The following XK variants were observed in gnomAD, a reference collection of about 807,000 sequenced individuals.
XK encodes the protein X-linked Kx blood group antigen, Kell and VPS13A binding protein, also known as endoplasmic reticulum membrane adapter protein XK.
XK carries 2 observed loss-of-function variants against 14.0 expected under a neutral mutation model. The observed-to-expected ratio is 0.14, with a 90% CI of 0.06 to 0.45. The LOEUF is 0.45. Ranked by LOEUF, XK falls within the 20% of genes least tolerant of loss-of-function variation. XK has a pLI of 0.98. For missense variants in XK, 235 were observed against 341.5 expected, an observed-to-expected ratio of 0.69 and a Z score of 2.46; for synonymous variants, 149 against 147.5, an observed-to-expected ratio of 1.01 and a Z score of -0.08.
chrX:37,692,427 G>T (rs1256293594), intron 1 of XK, among the ~76,000 whole-genome samples: 1 of 111,208 alleles, frequency 9.0e-6, no homozygotes, highest in African/African-American at 3.3e-5. Flanking sequence ...GTTTTAGTTT[G>T]TTTTTTTGAG....
chrX:37,711,677 C>T (rs1927670499), intron 2 of XK, among the ~76,000 whole-genome samples: 1 of 111,885 alleles, frequency 8.9e-6, no homozygotes, highest in African/African-American at 3.3e-5. Flanking sequence ...CTAGGCTTAC[C>T]TCCCAAATGA....
rs1556450585 is a variant in XK, at chrX:37,728,701, T to C, written c.*239T>C. The C allele has an allele frequency of 7.3e-6, 3 of 408,244 alleles. No individual in the cohort carries two copies. The Admixed American group carries it at 1.2e-4, about 17-fold the overall frequency. 33.6% of individuals were successfully genotyped at this position (408,244 alleles called of 1,213,427 possible). A position where few individuals can be genotyped will look rare whatever the true frequency, so the allele number is the denominator to read the frequency against. On this transcript the variant is annotated 3_prime_UTR_variant, in exon 3 of 3. Coordinates refer to ENST00000378616, the MANE Select transcript of XK (RefSeq NM_021083.4). ...ACAGTTCACAGGTAACCATGTTGTG[T>C]TCTTCTAGGCATTACTGGCCTTTTC...
At chrX:37,714,271 C>G (rs1364154148) in intron 2 of XK, among the ~76,000 whole-genome samples, 2 of 111,379 alleles carry the variant, frequency 1.8e-5, no homozygotes, top group East Asian at 5.6e-4. Flanking sequence ...TGTCAGTATT[C>G]AAAAGACACT....
intron 2 of XK, among the ~76,000 whole-genome samples, chrX:37,715,792 G>C (rs1461192633): frequency 9.0e-6 from 1 of 111,575 alleles, no homozygotes; most frequent in African/African-American, 3.3e-5. Context: ...TTGTGTAATG[G>C]TGTATGCTTA....
intron 2 of XK, among the ~76,000 whole-genome samples, chrX:37,717,830 C>A (rs1927792864): frequency 8.9e-6 from 1 of 111,785 alleles, no homozygotes; most frequent in African/African-American, 3.2e-5. Context: ...TTTCTTTTAA[C>A]AGTACTAGGG....
chrX:37,688,366 T>G (rs1207966629), intron 1 of XK, among the ~76,000 whole-genome samples: 7 of 111,205 alleles, frequency 6.3e-5, no homozygotes, highest in Admixed American at 9.6e-5. Flanking sequence ...GTGCCCGGCC[T>G]TATCATTTCT....
intron 2 of XK, among the ~76,000 whole-genome samples, chrX:37,713,653 G>A (rs1231443199): frequency 9.2e-6 from 1 of 108,849 alleles, no homozygotes; most frequent in Non-Finnish European, 1.9e-5. Flanking sequence ...CCAAGATTGG[G>A]TCACATGTCC....
intron 2 of XK, among the ~76,000 whole-genome samples, chrX:37,703,851 A>T (rs1312942217): frequency 8.9e-6 from 1 of 112,634 alleles, no homozygotes; most frequent in East Asian, 2.8e-4. Flanking sequence ...CTTGGGAAGC[A>T]CTCAATAACT....
chrX:37,722,016 G>A (rs911747463), intron 2 of XK, among the ~76,000 whole-genome samples: 2 of 111,370 alleles, frequency 1.8e-5, no homozygotes, highest in African/African-American at 3.3e-5. Flanking sequence ...GATAAAAAAT[G>A]TATCAGTGGT....
At chrX:37,707,475 C>T (rs1461936480) in intron 2 of XK, among the ~76,000 whole-genome samples, 1 of 107,656 alleles carries the variant, frequency 9.3e-6, no homozygotes, top group Non-Finnish European at 1.9e-5. Flanking sequence ...CGCAGGGGCT[C>T]CTCACTTCTC....
chrX:37,704,884 T>C (rs1216338019), intron 2 of XK, among the ~76,000 whole-genome samples: 1 of 111,868 alleles, frequency 8.9e-6, no homozygotes, highest in Non-Finnish European at 1.9e-5. Context: ...GTGCCTGTGG[T>C]TCACTTATGA....
Position 37,685,984 on chromosome X carries a change from T to C in XK, c.23T>C (p.Leu8Pro). The C allele has an allele frequency of 8.3e-7, 1 of 1,207,464 alleles. No homozygotes were observed. Among genetic ancestry groups the C allele is most frequent in the Non-Finnish European group, 1.1e-6 (1 of 894,004 alleles). MKFPASV[L>P]ASVFLFVAET... Reference sequence around the variant, plus strand: ...GAGATGAAATTCCCGGCCTCGGTGCTGGCGTCCGTGTTCCTGTTCGTGGCC... The same window carrying C: ...GAGATGAAATTCCCGGCCTCGGTGCCGGCGTCCGTGTTCCTGTTCGTGGCC... The change falls in exon 1 of 3, where the codon CTG becomes CCG. Residue 8 changes from leucine to proline, a missense_variant. Transcript: ENST00000378616.
chrX:37,691,804 G>T (rs1927208519), intron 1 of XK, among the ~76,000 whole-genome samples: 1 of 111,331 alleles, frequency 9.0e-6, no homozygotes, highest in Non-Finnish European at 1.9e-5. Flanking sequence ...ACGTAGCCTG[G>T]TCAACATAGT....
At chrX:37,705,272 C>T (rs1211499186) in intron 2 of XK, among the ~76,000 whole-genome samples, 5 of 104,878 alleles carry the variant, frequency 4.8e-5, no homozygotes, top group Admixed American at 1.0e-4. Context: ...GGTGAAACCC[C>T]GTCTCTACTA....
chrX:37,697,901 A>G lies in XK; in HGVS notation c.508+3353A>G, dbSNP rs782566622. On this transcript the variant is annotated intron_variant, in intron 2 of 2. Transcript: ENST00000378616. The stretch of plus-strand genomic sequence containing the variant: ...GATTTGACTATTATGAATCTTTCAT[A>G]TCAGTGGAATCATATGCTATTGGGA... Among the ~76,000 whole-genome samples, 7 of 112,122 alleles carry G rather than the reference A, an allele frequency of 6.2e-5. No individual in the cohort carries two copies. The East Asian group carries it at 2.0e-3, about 31-fold the overall frequency.
intron 2 of XK, among the ~76,000 whole-genome samples, chrX:37,708,953 A>G (rs1305907668): frequency 8.9e-6 from 1 of 112,383 alleles, no homozygotes; most frequent in Non-Finnish European, 1.9e-5. Context: ...AATCTCATTC[A>G]CATGTATTAA....
At chrX:37,692,178 C>T (rs923046673) in intron 1 of XK, among the ~76,000 whole-genome samples, 5 of 110,690 alleles carry the variant, frequency 4.5e-5, no homozygotes, top group Non-Finnish European at 7.6e-5. Flanking sequence ...ACGTTTTCTT[C>T]TAAGTGAGAT....
intron 2 of XK, among the ~76,000 whole-genome samples, chrX:37,720,375 G>T (rs945121832): frequency 3.6e-5 from 4 of 110,696 alleles, no homozygotes; most frequent in African/African-American, 9.8e-5. Context: ...AAGCTAATCT[G>T]CCATGCTAGT....
intron 2 of XK, among the ~76,000 whole-genome samples, chrX:37,720,788 C>T (rs1927854764): frequency 9.0e-6 from 1 of 111,325 alleles, no homozygotes; most frequent in Non-Finnish European, 1.9e-5. Context: ...TTTGACTCTT[C>T]TGAATTGGTT....
Sources: allele counts gnomAD v4.1 joint callset (sites outside exome capture counted in the v4.1 genomes callset), GRCh38; gene constraint gnomAD v4.1.1; transcripts MANE v1.5; gene names NCBI Gene and HGNC (gene_info 2026-07-23, HGNC 2026-07-21).